The following ARHGAP28 variants were observed in gnomAD, a reference collection of about 807,000 sequenced individuals.
ARHGAP28 encodes Rho GTPase activating protein 28, also known as rho GTPase-activating protein 28.
Under a neutral mutation model 90.7 loss-of-function variants are expected in ARHGAP28, and 56 were observed. That is an observed-to-expected ratio of 0.62 (90% CI 0.50 to 0.77). The LOEUF (loss-of-function observed/expected upper bound fraction) is 0.77. Ranked by LOEUF, ARHGAP28 falls within the 30% of genes least tolerant of loss-of-function variation. The pLI is 0.00. For synonymous variants in ARHGAP28, 308 were observed against 323.3 expected, an observed-to-expected ratio of 0.95 and a Z score of 0.51; for missense variants, 869 against 900.9, an observed-to-expected ratio of 0.96 and a Z score of 0.45.
chr18:6,732,372 C>T (rs2055889728), intron 1 of ARHGAP28, among the ~76,000 whole-genome samples: 1 of 152,162 alleles, frequency 6.6e-6, no homozygotes, highest in Admixed American at 6.5e-5. Context: ...GGGACATAGT[C>T]CCTGCCCCAA....
At chr18:6,791,037 G>A (rs1405694593) in intron 1 of ARHGAP28, 3 of 152,026 alleles carry the variant, frequency 2.0e-5, no homozygotes, top group African/African-American at 7.3e-5. Flanking sequence ...AAGTGTATTA[G>A]TCAGGGTTCT....
intron 5 of ARHGAP28, among the ~76,000 whole-genome samples, chr18:6,860,490 G>T (rs2143392993): frequency 6.6e-6 from 1 of 152,278 alleles, no homozygotes; most frequent in East Asian, 1.9e-4. Flanking sequence ...CTGCAGGGAG[G>T]ATATGATAGA....
At chr18:6,793,171 C>A (rs1306151412) in intron 1 of ARHGAP28, among the ~76,000 whole-genome samples, 1 of 152,182 alleles carries the variant, frequency 6.6e-6, no homozygotes, top group Admixed American at 6.6e-5. Flanking sequence ...AATTAACACA[C>A]TTACGAGACA....
chr18:6,740,004 G>A (rs745978164), intron 1 of ARHGAP28, among the ~76,000 whole-genome samples: 1 of 151,922 alleles, frequency 6.6e-6, no homozygotes, highest in Non-Finnish European at 1.5e-5. Flanking sequence ...ATAGGCATGC[G>A]CCACCACACT....
chr18:6,872,916 G>A (rs2057101154), intron 7 of ARHGAP28, among the ~76,000 whole-genome samples: 1 of 152,044 alleles, frequency 6.6e-6, no homozygotes, highest in South Asian at 2.1e-4. Context: ...TTTAAACTGG[G>A]AGATTACTAA....
chr18:6,814,854 C>G (rs2056579891), intron 1 of ARHGAP28, among the ~76,000 whole-genome samples: 1 of 152,044 alleles, frequency 6.6e-6, no homozygotes, highest in Non-Finnish European at 1.5e-5. Flanking sequence ...AGCACAAAAC[C>G]TAGAGTTCAC....
At chr18:6,895,683 G>T (rs1219116031) in intron 15 of ARHGAP28, among the ~76,000 whole-genome samples, 1 of 152,064 alleles carries the variant, frequency 6.6e-6, no homozygotes, top group South Asian at 2.1e-4. Context: ...TTGGATTAAG[G>T]GCACTCCCTA....
intron 14 of ARHGAP28, among the ~76,000 whole-genome samples, chr18:6,893,990 C>T (rs1351046287): frequency 1.3e-5 from 2 of 151,588 alleles, no homozygotes. Context: ...CCTCAGCCTC[C>T]CGAGTAGTTG....
At chr18:6,888,527 G>A (rs1261891822) in intron 12 of ARHGAP28, among the ~76,000 whole-genome samples, 4 of 152,046 alleles carry the variant, frequency 2.6e-5, no homozygotes, top group Admixed American at 2.6e-4. Context: ...CTTGAGGCAA[G>A]GACAGAGATC....
chr18:6,748,814 T>A (rs1045805510), intron 1 of ARHGAP28, among the ~76,000 whole-genome samples: 12 of 152,190 alleles, frequency 7.9e-5, no homozygotes, highest in African/African-American at 2.9e-4. Context: ...AATCCTTTTT[T>A]AAACCCTCAC....
At chr18:6,845,735 C>T (rs2056861294) in intron 3 of ARHGAP28, among the ~76,000 whole-genome samples, 1 of 152,208 alleles carries the variant, frequency 6.6e-6, no homozygotes, top group Non-Finnish European at 1.5e-5. Context: ...CCATCCATGT[C>T]CCTGCAAAGG....
intron 1 of ARHGAP28, among the ~76,000 whole-genome samples, chr18:6,774,578 A>G (rs1210195193): frequency 2.6e-5 from 4 of 152,236 alleles, no homozygotes; most frequent in African/African-American, 9.6e-5. Context: ...TTTGATTCCT[A>G]TTTCTGTTTG....
At chr18:6,732,094 T>G (rs1255560995) in intron 1 of ARHGAP28, among the ~76,000 whole-genome samples, 1 of 26,050 alleles carries the variant, frequency 3.8e-5, no homozygotes, top group African/African-American at 4.6e-5. Flanking sequence ...AGTTTATATG[T>G]TTTTAAGGTT....
chr18:6,888,449 G>T (rs1210365311), intron 12 of ARHGAP28, among the ~76,000 whole-genome samples: 1 of 152,106 alleles, frequency 6.6e-6, no homozygotes, highest in Non-Finnish European at 1.5e-5. Flanking sequence ...GTGTGGTAAG[G>T]ACCTTCCTCC....
rs1283863313 is a variant in ARHGAP28 at position 6,913,159 on chromosome 18, G to A, written c.*1005G>A. 1 of 152,146 alleles carries A rather than the reference G, an allele frequency of 6.6e-6. No individual in the cohort carries two copies. Among genetic ancestry groups the A allele is most frequent in the African/African-American group, 2.4e-5 (1 of 41,426 alleles). The allele number at this position is 152,146 out of a possible 1,614,324, so 9.4% of individuals were successfully genotyped here. On this transcript the variant is annotated 3_prime_UTR_variant, in exon 18 of 18. Coordinates refer to ENST00000383472, the MANE Select transcript of ARHGAP28 (RefSeq NM_001366230.1). ...ATTTTGCTTTTGTTTGTTAATCATA[G>A]GCATGGCCGAGCATTGTGGATTAGC... is the stretch of plus-strand genomic sequence containing the variant.
intron 1 of ARHGAP28, among the ~76,000 whole-genome samples, chr18:6,818,397 C>G (rs2056605557): frequency 6.6e-6 from 1 of 152,172 alleles, no homozygotes; most frequent in Non-Finnish European, 1.5e-5. Flanking sequence ...AATTCCTGTC[C>G]TGGCTCCACT....
Position 6,729,935 on chromosome 18 carries a change from G to C in ARHGAP28, c.114G>C (p.Pro38=). Residue 38 remains proline (P), a synonymous_variant, in exon 1 of 18, where the codon CCG becomes CCC. Transcript: ENST00000383472. ...RCAPRAAASH[P]LSRKSIPRCR... ...CGCCCCGCGCCGCAGCCAGCCACCC[G>C]CTCAGCAGGTACCCGGAGCCGCTCC... The C allele has an allele frequency of 7.2e-7, 1 of 1,379,810 alleles. No individual in the cohort carries two copies. Among genetic ancestry groups the C allele is most frequent in the Non-Finnish European group, 9.3e-7 (1 of 1,070,852 alleles). The allele number at this position is 1,379,810 out of a possible 1,614,324, so 85.5% of individuals were successfully genotyped here. A position where few individuals can be genotyped will look rare whatever the true frequency, so the allele number is the denominator to read the frequency against.
chr18:6,902,800 A>G (rs2057344782), intron 16 of ARHGAP28, among the ~76,000 whole-genome samples: 1 of 152,178 alleles, frequency 6.6e-6, no homozygotes, highest in Non-Finnish European at 1.5e-5. Flanking sequence ...ATATGATCCA[A>G]CAATTCCACC....
At chr18:6,857,294 A>T (rs1476616773) in intron 4 of ARHGAP28, among the ~76,000 whole-genome samples, 1 of 152,244 alleles carries the variant, frequency 6.6e-6, no homozygotes, top group African/African-American at 2.4e-5. Context: ...TGTGTGGAGG[A>T]TGTTGTCAAC....
Sources: allele counts gnomAD v4.1 joint callset (sites outside exome capture counted in the v4.1 genomes callset), GRCh38; gene constraint gnomAD v4.1.1; transcripts MANE v1.5; gene names NCBI Gene and HGNC (gene_info 2026-07-23, HGNC 2026-07-21).